Variants in ARHGAP25 observed in about 807,000 individuals in gnomAD.
The protein encoded by ARHGAP25 is Rho GTPase activating protein 25.
In ARHGAP25, 34 loss-of-function variants were observed where a neutral mutation model predicts 71.0. The ratio of observed to expected loss-of-function variants is 0.48; its 90% CI spans 0.36 to 0.64. ARHGAP25 has a LOEUF of 0.64. ARHGAP25 is among the 30% of genes least tolerant of loss of function. The pLI, the probability that ARHGAP25 is intolerant of heterozygous loss-of-function variation, is 0.00. For missense variants in ARHGAP25, 706 were observed against 805.1 expected, an observed-to-expected ratio of 0.88 and a Z score of 1.49; for synonymous variants, 282 against 296.5, an observed-to-expected ratio of 0.95 and a Z score of 0.50.
At chr2:68,764,768 T>C in intron 1 of ARHGAP25, among the ~76,000 whole-genome samples, 1 of 152,142 alleles carries the variant, frequency 6.6e-6, no homozygotes, top group South Asian at 2.1e-4. Flanking sequence ...CTTGGGCCCT[T>C]TCCGCTCCCT....
chr2:68,714,163 G>T (rs1415628320), intron 2 of ARHGAP25, among the ~76,000 whole-genome samples: 1 of 151,976 alleles, frequency 6.6e-6, no homozygotes, highest in African/African-American at 2.4e-5. Context: ...CTCAATTTCA[G>T]AACTTATTGT....
intron 4 of ARHGAP25, among the ~76,000 whole-genome samples, chr2:68,798,754 A>C (rs1282891200): frequency 6.6e-6 from 1 of 152,254 alleles, no homozygotes; most frequent in Non-Finnish European, 1.5e-5. Flanking sequence ...CTAACTAGAC[A>C]GAAAAGGGGG....
At chr2:68,744,156 T>C (rs1330925791) in intron 1 of ARHGAP25, among the ~76,000 whole-genome samples, 1 of 152,182 alleles carries the variant, frequency 6.6e-6, no homozygotes, top group Non-Finnish European at 1.5e-5. Context: ...CATCTGTCAG[T>C]GTATTGCAAG....
At chr2:68,793,683 T>C (rs1207346605) in intron 4 of ARHGAP25, among the ~76,000 whole-genome samples, 1 of 152,240 alleles carries the variant, frequency 6.6e-6, no homozygotes, top group Non-Finnish European at 1.5e-5. Flanking sequence ...CATAGCCTTG[T>C]AGTATAATTT....
At chr2:68,824,135 C>A (rs1681915468) in intron 10 of ARHGAP25, among the ~76,000 whole-genome samples, 1 of 152,202 alleles carries the variant, frequency 6.6e-6, no homozygotes, top group African/African-American at 2.4e-5. Context: ...AACCTGAAAC[C>A]AATCATTTGT....
chr2:68,756,572 G>A (rs1463902371), intron 1 of ARHGAP25, among the ~76,000 whole-genome samples: 1 of 152,150 alleles, frequency 6.6e-6, no homozygotes, highest in Non-Finnish European at 1.5e-5. Flanking sequence ...CTTGCCCAGG[G>A]GAAGGTGCAG....
At chr2:68,748,128 A>G (rs115149899) in intron 1 of ARHGAP25, among the ~76,000 whole-genome samples, 2 of 152,240 alleles carry the variant, frequency 1.3e-5, no homozygotes, top group African/African-American at 2.4e-5. Context: ...ACCCACCTGT[A>G]GTCCTCTGCT....
upstream of ARHGAP25, among the ~76,000 whole-genome samples, chr2:68,733,681 T>G (rs1242246143): frequency 1.3e-5 from 2 of 152,174 alleles, no homozygotes; most frequent in Non-Finnish European, 2.9e-5. Context: ...CTTGTGGACA[T>G]TCTCTTTCAG....
At position 68,767,816 on chromosome 2, in the gene ARHGAP25, A is replaced by G. The variant is rs1364520151; in HGVS notation, c.62-7405A>G. Reference sequence around the variant, plus strand: ...CGAGGCCTGCTGAGCCTTGCAGAGCATACACTGGCGGAAATAGCACAAAAT... The same window carrying G: ...CGAGGCCTGCTGAGCCTTGCAGAGCGTACACTGGCGGAAATAGCACAAAAT... On this transcript the variant is annotated intron_variant, in intron 1 of 10. Coordinates refer to ENST00000409202, the MANE Select transcript of ARHGAP25 (RefSeq NM_001007231.3). The surrounding 1 kb of genome is among the most constrained non-coding windows in gnomAD (Gnocchi z 4.6). Among the ~76,000 whole-genome samples, 1 of 152,190 alleles carries G rather than the reference A, an allele frequency of 6.6e-6. No individual in the cohort carries two copies. Among genetic ancestry groups the G allele is most frequent in the Non-Finnish European group, 1.5e-5 (1 of 68,034 alleles).
At chr2:68,775,199 G>A (rs772549309) in intron 1 of ARHGAP25, 22 bp from the exon 2 acceptor site, 2 of 1,614,238 alleles carry the variant, frequency 1.2e-6, no homozygotes, top group Non-Finnish European at 1.7e-6. Context: ...CGGTCAGTCG[G>A]CCTGTCTGTT....
chr2:68,799,679 T>C (rs1679823789), intron 4 of ARHGAP25, among the ~76,000 whole-genome samples: 1 of 152,150 alleles, frequency 6.6e-6, no homozygotes, highest in South Asian at 2.1e-4. Flanking sequence ...CCTTGACAGC[T>C]TTATGTTCAC....
At chr2:68,732,863 C>T (rs77940490), upstream of ARHGAP25, among the ~76,000 whole-genome samples, 1 of 152,220 alleles carries the variant, frequency 6.6e-6, no homozygotes, top group Non-Finnish European at 1.5e-5. Flanking sequence ...CAGGTCACCA[C>T]TGTTCCTTCA....
intron 2 of ARHGAP25, among the ~76,000 whole-genome samples, chr2:68,724,145 C>T (rs990178947): frequency 5.3e-5 from 8 of 152,068 alleles, no homozygotes; most frequent in Admixed American, 2.0e-4. Flanking sequence ...TGAGAAGGAC[C>T]GTCAGATGAG....
At chr2:68,724,907 A>C (rs1366866944) in intron 2 of ARHGAP25, among the ~76,000 whole-genome samples, 2 of 152,214 alleles carry the variant, frequency 1.3e-5, no homozygotes, top group Non-Finnish European at 2.9e-5. Flanking sequence ...TATATGAAGT[A>C]TTGGCCACTT....
chr2:68,769,334 G>A (rs1005386625), intron 1 of ARHGAP25, among the ~76,000 whole-genome samples: 1 of 152,086 alleles, frequency 6.6e-6, no homozygotes, highest in African/African-American at 2.4e-5. Flanking sequence ...GCAGGCACTG[G>A]CTGGGACCTG....
chr2:68,824,857 G>A (rs1013639842), intron 10 of ARHGAP25, among the ~76,000 whole-genome samples: 8 of 152,186 alleles, frequency 5.3e-5, no homozygotes, highest in Non-Finnish European at 8.8e-5. Flanking sequence ...ATAGGCCAAG[G>A]CCCTTGAAGA....
In ARHGAP25 at chr2:68,807,905, G is replaced by A. The variant is rs190286121; in HGVS notation, c.674+425G>A. Among the ~76,000 whole-genome samples the A allele has an allele frequency of 5.9e-5, 9 of 152,288 alleles. No homozygotes were observed. In the East Asian group the frequency reaches 1.4e-3, roughly 23 times the overall value. ...ATATCCAAGGGCACCAGCGGCTTTCGTTAGCATTCCAGAAGTGGCTAGAAC... is the reference window on the plus strand; with the variant it reads ...ATATCCAAGGGCACCAGCGGCTTTCATTAGCATTCCAGAAGTGGCTAGAAC... On this transcript the variant is annotated intron_variant, in intron 5 of 10. Transcript: ENST00000409202.
chr2:68,789,996 A>T (rs1435434826), intron 4 of ARHGAP25, among the ~76,000 whole-genome samples: 1 of 151,960 alleles, frequency 6.6e-6, no homozygotes, highest in Non-Finnish European at 1.5e-5. Context: ...TATTATTATT[A>T]TTATTATTTT....
chr2:68,750,956 T>C (rs374826677), intron 1 of ARHGAP25, among the ~76,000 whole-genome samples: 17 of 152,334 alleles, frequency 1.1e-4, no homozygotes, highest in Admixed American at 7.8e-4. Flanking sequence ...AACAGACCCC[T>C]GGAAAATAGG....
Sources: gnomAD v4.1 joint callset for allele counts (sites outside exome capture counted in the v4.1 genomes callset) on GRCh38, gnomAD v4.1.1 for gene constraint, Gnocchi (gnomAD v3.1) non-coding constraint, MANE v1.5 for transcripts, NCBI Gene and HGNC (gene_info 2026-07-23, HGNC 2026-07-21) for gene names.